Variants in LTBP2 observed in about 807,000 individuals in gnomAD.
The protein encoded by LTBP2 is latent transforming growth factor beta binding protein 2, also known as latent-transforming growth factor beta-binding protein 2.
Under a neutral mutation model 210.6 loss-of-function variants are expected in LTBP2, and 103 were observed. That is an observed-to-expected ratio of 0.49 (90% confidence interval 0.42 to 0.58). The LOEUF is 0.58. LTBP2 is among the 20% of genes least tolerant of loss of function. LTBP2 has a pLI of 0.00. For missense variants in LTBP2, 2,313 were observed against 2,494.5 expected (o/e 0.93, Z 1.55); for synonymous variants, 1,007 against 1,015.0 (o/e 0.99, Z 0.15).
chr14:74,506,289 C>A, intron 27 of LTBP2, 98 bp from the exon 28 acceptor site: 1 of 1,513,482 alleles, frequency 6.6e-7, no homozygotes, highest in Middle Eastern at 1.8e-4. Context: ...GCAGGCTAGG[C>A]CTTGGGGAAG....
In LTBP2 at chr14:74,611,996, G is replaced by A. The variant is rs757794652; in HGVS notation, c.-52C>T. ...GCGCGGGCACCGCGAAGAGCTTTGT[G>A]GTCGGCACGCTGGACGCCCGCGGGC... On this transcript the variant is annotated 5_prime_UTR_variant, in exon 1 of 36. Coordinates refer to ENST00000261978, the MANE Select transcript of LTBP2 (RefSeq NM_000428.3). 1.4e-6 allele frequency: 2 copies of A among 1,472,988 alleles called. No individual in the cohort carries two copies. Among genetic ancestry groups the A allele is most frequent in the East Asian group, 2.5e-5 (1 of 40,008 alleles). 91.2% of individuals were successfully genotyped at this position (1,472,988 alleles called of 1,614,324 possible). A position where few individuals can be genotyped will look rare whatever the true frequency, so the allele number is the denominator to read the frequency against.
In LTBP2 at chr14:74,585,836, A is replaced by T. The variant is rs1483583267; in HGVS notation, c.830+18T>A. The T allele has an allele frequency of 6.2e-7, 1 of 1,613,692 alleles. No homozygotes were observed. Among genetic ancestry groups the T allele is most frequent in the South Asian group, 1.1e-5 (1 of 91,078 alleles). On this transcript the variant is annotated intron_variant, in intron 3 of 35. Transcript: ENST00000261978. Reference sequence around the variant, plus strand: ...GACTGAGCCCCAGACCCCAAGCCCCATGGAGAAGGGGACTTACCCAGCTGG... The same window carrying T: ...GACTGAGCCCCAGACCCCAAGCCCCTTGGAGAAGGGGACTTACCCAGCTGG...
At chr14:74,510,585 A>G (rs2087057936) in intron 19 of LTBP2, among the ~76,000 whole-genome samples, 1 of 152,194 alleles carries the variant, frequency 6.6e-6, no homozygotes, top group Admixed American at 6.5e-5. Context: ...CGGCCAACCA[A>G]ACAACCCACG....
chr14:74,582,019 G>T (rs1050598978), intron 3 of LTBP2, among the ~76,000 whole-genome samples: 58 of 128,472 alleles, frequency 4.5e-4, no homozygotes, highest in Admixed American at 9.4e-4. Context: ...TAGGGTTGTT[G>T]TTTTTTTTTT....
intron 1 of LTBP2, among the ~76,000 whole-genome samples, chr14:74,609,067 G>A (rs1255384272): frequency 6.6e-6 from 1 of 152,210 alleles, no homozygotes; most frequent in African/African-American, 2.4e-5. Context: ...CCAGGAGGTG[G>A]CACTTGGTCC....
chr14:74,600,390 G>C (rs896986310), intron 2 of LTBP2, among the ~76,000 whole-genome samples: 13 of 152,254 alleles, frequency 8.5e-5, no homozygotes, highest in African/African-American at 3.1e-4. Context: ...AAATACCAGG[G>C]GAGAAGGTAT....
chr14:74,599,662 C>T (rs142651025), intron 2 of LTBP2, among the ~76,000 whole-genome samples: 165 of 152,352 alleles, frequency 1.1e-3, no homozygotes, highest in South Asian at 4.1e-3. Context: ...AGCTCTAGCC[C>T]CCGCCAAGGT....
At position 74,555,618 on chromosome 14, in the gene LTBP2, C is replaced by T. The variant is rs772483003; in HGVS notation, c.906G>A (p.Pro302=). 1.2e-5 allele frequency: 20 copies of T among 1,608,836 alleles called. No individual in the cohort carries two copies. Among genetic ancestry groups the T allele is most frequent in the Admixed American group, 5.0e-5 (3 of 59,668 alleles). Residue 302 remains proline (P), a synonymous_variant, in exon 4 of 36, where the codon CCG becomes CCA. Coordinates refer to ENST00000261978, the MANE Select transcript of LTBP2 (RefSeq NM_000428.3). The part of the protein sequence containing the change: ...VGLSRTVRLH[P]TATASSQLSS... ...AGAGCTGGCTACTGGCCGTGGCAGTCGGGTGAAGTCGGACAGTGCGGGACA... is the reference window on the plus strand; with the variant it reads ...AGAGCTGGCTACTGGCCGTGGCAGTTGGGTGAAGTCGGACAGTGCGGGACA...
chr14:74,555,711 G>T lies in LTBP2; in HGVS notation c.831-18C>A. The T allele has an allele frequency of 6.7e-7, 1 of 1,492,604 alleles. No homozygotes were observed. The highest frequency in any genetic ancestry group is 8.9e-7 in the Non-Finnish European group (1 of 1,117,848). 92.5% of individuals were successfully genotyped at this position (1,492,604 alleles called of 1,614,324 possible). Reference sequence around the variant, plus strand: ...TCAGGGTCCTGTGGAGACAACCGCGGCACGGGGGTTTGCACCCTGGGAACA... The same window carrying T: ...TCAGGGTCCTGTGGAGACAACCGCGTCACGGGGGTTTGCACCCTGGGAACA... On this transcript the variant is annotated intron_variant, in intron 3 of 35. Coordinates refer to ENST00000261978, the MANE Select transcript of LTBP2 (RefSeq NM_000428.3).
chr14:74,550,234 C>T (rs939381907), intron 7 of LTBP2, among the ~76,000 whole-genome samples: 3 of 152,194 alleles, frequency 2.0e-5, no homozygotes, highest in Admixed American at 1.3e-4. Context: ...AAACCACCAC[C>T]CTCCATGGCC....
chr14:74,530,338 T>C (rs1474964237), intron 10 of LTBP2, among the ~76,000 whole-genome samples: 14 of 152,188 alleles, frequency 9.2e-5, no homozygotes, highest in Non-Finnish European at 1.5e-5. Context: ...AAGGGGCTCA[T>C]TTTTTATTGA....
intron 28 of LTBP2, 152 bp from the exon 29 acceptor site, chr14:74,505,326 A>G (rs1033171539): frequency 1.1e-6 from 1 of 870,538 alleles, no homozygotes; most frequent in East Asian, 2.7e-5. Flanking sequence ...GCTCTCCACA[A>G]CCCTAAGAAG....
Position 74,508,021 on chromosome 14 carries a change from G to C in LTBP2, c.3727C>G (p.Leu1243Val), listed in dbSNP as rs2087013183. Residue 1243 changes from leucine (L) to valine (V), a missense_variant, in exon 25 of 36, where the codon CTA becomes GTA. By Grantham distance (32) the Leu-to-Val change is conservative. This residue lies in a region of LTBP2 where 1,867 missense variants were observed against 1,976.9 expected (regional missense o/e 0.94). Coordinates refer to ENST00000261978, the MANE Select transcript of LTBP2 (RefSeq NM_000428.3). ...CVNTEGSFNCLCETGFQPSPE... is the reference protein window; with the variant it reads ...CVNTEGSFNCVCETGFQPSPE... Reference sequence around the variant, plus strand: ...GAGGGCTGGAAGCCAGTCTCACATAGACAGTTGAAGGAGCCCTCGGTGTTG... The same window carrying C: ...GAGGGCTGGAAGCCAGTCTCACATACACAGTTGAAGGAGCCCTCGGTGTTG... The C allele has an allele frequency of 6.2e-7, 1 of 1,613,972 alleles. No homozygotes were observed.
intron 4 of LTBP2, 25 bp downstream of exon 4, chr14:74,555,478 A>C (rs1324467008): frequency 1.2e-6 from 2 of 1,611,760 alleles, no homozygotes; most frequent in South Asian, 1.1e-5. Flanking sequence ...CTGCTCTTCT[A>C]GGACCCAAGA....
chr14:74,555,834 C>T (rs1363936636), intron 3 of LTBP2, 141 bp from the exon 4 acceptor site: 14 of 557,422 alleles, frequency 2.5e-5, no homozygotes, highest in South Asian at 4.6e-5. Context: ...GGCTGACTCC[C>T]AGACATGAAG....
At chr14:74,579,148 C>T (rs1381766161) in intron 3 of LTBP2, among the ~76,000 whole-genome samples, 1 of 152,222 alleles carries the variant, frequency 6.6e-6, no homozygotes, top group Non-Finnish European at 1.5e-5. Context: ...TGAGCCACTG[C>T]GCCTGGCCCC....
intron 2 of LTBP2, among the ~76,000 whole-genome samples, chr14:74,587,675 C>T (rs1489213630): frequency 6.6e-6 from 1 of 151,992 alleles, no homozygotes; most frequent in African/African-American, 2.4e-5. Context: ...ATACACAGAC[C>T]CTGTCATCTC....
intron 8 of LTBP2, among the ~76,000 whole-genome samples, chr14:74,548,514 A>C (rs906871231): frequency 1.3e-5 from 2 of 152,142 alleles, no homozygotes; most frequent in Non-Finnish European, 2.9e-5. Flanking sequence ...TCGACTGATT[A>C]GAATGTGGGA....
intron 28 of LTBP2, among the ~76,000 whole-genome samples, chr14:74,505,639 G>A (rs368790502): frequency 4.6e-5 from 7 of 152,004 alleles, no homozygotes; most frequent in African/African-American, 7.2e-5. Context: ...CCAGCCTGGC[G>A]TGAGAGGCTG....
Sources: gnomAD v4.1 joint callset for allele counts (sites outside exome capture counted in the v4.1 genomes callset) on GRCh38, gnomAD v4.1.1 for gene constraint, gnomAD v4.1.1 regional missense constraint, MANE v1.5 for transcripts, NCBI Gene and HGNC (gene_info 2026-07-23, HGNC 2026-07-21) for gene names.